The following STPG2 variants were observed in gnomAD, a reference collection of about 807,000 sequenced individuals.
STPG2 encodes sperm-tail PG-rich repeat-containing protein 2.
A neutral mutation model predicts 54.2 loss-of-function variants in STPG2; 56 were observed. The ratio of observed to expected loss-of-function variants is 1.03; its 90% CI spans 0.83 to 1.29. The LOEUF (loss-of-function observed/expected upper bound fraction) is 1.29, where lower values mean the gene tolerates loss of function less well. STPG2 is among the 50% of genes most tolerant of loss of function. The pLI is 0.00. For synonymous variants in STPG2, 200 were observed against 181.8 expected, an observed-to-expected ratio of 1.10 and a Z score of -0.81; for missense variants, 596 against 544.9, an observed-to-expected ratio of 1.09 and a Z score of -0.93.
intron 3 of STPG2, among the ~76,000 whole-genome samples, chr4:98,114,981 G>A (rs1739476705): frequency 6.6e-6 from 1 of 151,698 alleles, no homozygotes; most frequent in Admixed American, 6.6e-5. Context: ...AGAAGTGTTG[G>A]CAATACCAAC....
chr4:97,631,073 T>C (rs998687305), intron 10 of STPG2, among the ~76,000 whole-genome samples: 1 of 151,930 alleles, frequency 6.6e-6, no homozygotes, highest in Non-Finnish European at 1.5e-5. Flanking sequence ...TTTATGTACA[T>C]ATTGTTTCTG....
chr4:97,743,846 A>G (rs766485364), intron 9 of STPG2, among the ~76,000 whole-genome samples: 49 of 151,600 alleles, frequency 3.2e-4, no homozygotes, highest in Non-Finnish European at 4.1e-4. Context: ...TTTAGATAGG[A>G]GTAGAAAAGC....
intron 8 of STPG2, among the ~76,000 whole-genome samples, chr4:97,844,897 A>AT (rs1365777254): frequency 6.6e-6 from 1 of 151,906 alleles, no homozygotes; most frequent in Non-Finnish European, 1.5e-5. Flanking sequence ...AATGATTTCT[A>AT]TTGATCTATC....
At chr4:98,048,107 A>T (rs1737197287) in intron 5 of STPG2, among the ~76,000 whole-genome samples, 1 of 152,130 alleles carries the variant, frequency 6.6e-6, no homozygotes, top group South Asian at 2.1e-4. Flanking sequence ...TTTTAAGTGT[A>T]ATTCTAGTGC....
intron 9 of STPG2, among the ~76,000 whole-genome samples, chr4:97,800,478 T>C (rs651106): frequency 0.59 from 89,229 of 152,106 alleles, 26,701 homozygotes; most frequent in East Asian, 0.74. Context: ...GTATCAGCAG[T>C]GGAGGCTGCA....
intron 9 of STPG2, among the ~76,000 whole-genome samples, chr4:97,736,163 T>G (rs1332075209): frequency 6.6e-6 from 1 of 152,108 alleles, no homozygotes; most frequent in African/African-American, 2.4e-5. Context: ...AGAACTATCA[T>G]ATGACCCAGC....
chr4:97,546,149 A>G (rs1731829245), intron 4 of STPG2, among the ~76,000 whole-genome samples: 1 of 152,056 alleles, frequency 6.6e-6, no homozygotes, highest in African/African-American at 2.4e-5. Context: ...TCATAAGGAA[A>G]ATGAGGCATA....
At chr4:97,486,581 G>T (rs1438732503) in intron 4 of STPG2, among the ~76,000 whole-genome samples, 1 of 151,696 alleles carries the variant, frequency 6.6e-6, no homozygotes, top group Non-Finnish European at 1.5e-5. Flanking sequence ...ATGTAAATTA[G>T]TACAGCCACT....
intron 10 of STPG2, among the ~76,000 whole-genome samples, chr4:97,623,434 T>C (rs1734062682): frequency 6.6e-6 from 1 of 151,794 alleles, no homozygotes; most frequent in South Asian, 2.1e-4. Flanking sequence ...AATTAAAAAG[T>C]GGGCAAAGGT....
At chr4:97,914,473 T>C (rs1731800775) in intron 8 of STPG2, among the ~76,000 whole-genome samples, 2 of 152,166 alleles carry the variant, frequency 1.3e-5, no homozygotes, top group African/African-American at 4.8e-5. Context: ...AATTTTTAAG[T>C]GTACAGTTAA....
At chr4:97,751,279 G>A (rs541674898) in intron 9 of STPG2, among the ~76,000 whole-genome samples, 3 of 151,660 alleles carry the variant, frequency 2.0e-5, no homozygotes, top group African/African-American at 4.8e-5. Context: ...GATTTTAGTC[G>A]ATATCCTGTT....
intron 4 of STPG2, among the ~76,000 whole-genome samples, chr4:97,449,045 TATATAA>T (rs530257897): frequency 1.3e-5 from 2 of 152,058 alleles, no homozygotes; most frequent in Admixed American, 6.6e-5. Context: ...AGGGCTAACA[TATATAA>T]ATATAATTTA....
At chr4:97,478,125 C>T (rs780859610) in intron 4 of STPG2, among the ~76,000 whole-genome samples, 2 of 152,018 alleles carry the variant, frequency 1.3e-5, no homozygotes, top group Admixed American at 6.6e-5. Flanking sequence ...GAGTGACAGG[C>T]AAGCTAACAT....
chr4:97,469,735 A>G (rs1333625876), intron 4 of STPG2, among the ~76,000 whole-genome samples: 1 of 151,984 alleles, frequency 6.6e-6, no homozygotes. Flanking sequence ...TCATAGAGCC[A>G]AAAAGGGAGG....
chr4:97,872,316 G>A (rs1181083267), intron 8 of STPG2, among the ~76,000 whole-genome samples: 2 of 151,034 alleles, frequency 1.3e-5, no homozygotes, highest in Non-Finnish European at 3.0e-5. Context: ...ATCACTAAAG[G>A]CTTAAACATT....
chr4:98,094,038 A>G (rs191192693), intron 5 of STPG2, among the ~76,000 whole-genome samples: 10 of 152,286 alleles, frequency 6.6e-5, no homozygotes, highest in Admixed American at 3.3e-4. Context: ...AGAGCCAGGA[A>G]GCTAGGATAG....
intron 9 of STPG2, among the ~76,000 whole-genome samples, chr4:97,720,347 C>G (rs1483361121): frequency 1.3e-5 from 2 of 151,848 alleles, no homozygotes; most frequent in Non-Finnish European, 2.9e-5. Flanking sequence ...CTTGGAATAT[C>G]CCTGAGAGGG....
At chr4:97,780,110 G>T (rs1726552437) in intron 9 of STPG2, among the ~76,000 whole-genome samples, 1 of 126,558 alleles carries the variant, frequency 7.9e-6, no homozygotes. Context: ...TGGGCTAAAT[G>T]CTCCAATTAA....
chr4:97,627,483 T>C (rs570055418), intron 10 of STPG2, among the ~76,000 whole-genome samples: 52 of 152,280 alleles, frequency 3.4e-4, no homozygotes, highest in African/African-American at 1.1e-3. Flanking sequence ...ACTTAAGCTA[T>C]ATTTGAAAGA....
Sources: gnomAD v4.1 joint callset for allele counts (sites outside exome capture counted in the v4.1 genomes callset) on GRCh38, gnomAD v4.1.1 for gene constraint, MANE v1.5 for transcripts, NCBI Gene and HGNC (gene_info 2026-07-23, HGNC 2026-07-21) for gene names.